The following RBFOX1 variants were observed in gnomAD, a reference collection of about 807,000 sequenced individuals.
RBFOX1 encodes the protein RNA binding fox-1 homolog 1, also known as RNA binding protein fox-1 homolog 1.
Under a neutral mutation model 57.7 loss-of-function variants are expected in RBFOX1, and 8 were observed. The ratio of observed to expected loss-of-function variants is 0.14; its 90% CI spans 0.08 to 0.25. The LOEUF is 0.25. Among genes scored for constraint, RBFOX1 ranks in the 10% least tolerant of loss-of-function variants. The pLI is 1.00. For synonymous variants in RBFOX1, 326 were observed against 222.4 expected (o/e 1.47, Z -4.15); for missense variants, 611 against 548.5 (o/e 1.11, Z -1.14).
chr16:7,173,419 C>T (rs946570675), intron 4 of RBFOX1, among the ~76,000 whole-genome samples: 1 of 152,140 alleles, frequency 6.6e-6, no homozygotes, highest in African/African-American at 2.4e-5. Context: ...ACGTATATAT[C>T]TGTGCATTCA....
chr16:5,447,354 C>T (rs989712081), intron 1 of RBFOX1, among the ~76,000 whole-genome samples: 1 of 149,130 alleles, frequency 6.7e-6, no homozygotes, highest in East Asian at 2.0e-4. Context: ...TGTCTCTCAT[C>T]ATTCAATGTC....
chr16:7,645,487 T>C (rs997182438), intron 11 of RBFOX1, among the ~76,000 whole-genome samples: 31 of 152,198 alleles, frequency 2.0e-4, no homozygotes, highest in African/African-American at 7.5e-4. Context: ...ATCGACACTT[T>C]TGCATGTTGT....
chr16:7,610,510 C>T (rs2057277849), intron 10 of RBFOX1, among the ~76,000 whole-genome samples: 1 of 152,064 alleles, frequency 6.6e-6, no homozygotes, highest in Non-Finnish European at 1.5e-5. Context: ...ATTCCAGCTG[C>T]CACCACCACC....
chr16:5,843,019 G>C (rs2056664226), intron 3 of RBFOX1, among the ~76,000 whole-genome samples: 1 of 149,220 alleles, frequency 6.7e-6, no homozygotes, highest in Admixed American at 6.6e-5. Flanking sequence ...AGTAGAGACG[G>C]GGTTTCACCA....
At chr16:6,994,673 C>G (rs1333208034) in intron 3 of RBFOX1, among the ~76,000 whole-genome samples, 1 of 152,136 alleles carries the variant, frequency 6.6e-6, no homozygotes, top group African/African-American at 2.4e-5. Flanking sequence ...TCTTTTATGC[C>G]TCTCCACCCG....
chr16:5,844,292 C>T (rs913168240), intron 3 of RBFOX1, among the ~76,000 whole-genome samples: 7 of 152,066 alleles, frequency 4.6e-5, no homozygotes, highest in South Asian at 4.2e-4. Flanking sequence ...GCAAAACTGC[C>T]GGCAAGAAAT....
chr16:6,130,734 G>A (rs1212776533), intron 1 of RBFOX1, among the ~76,000 whole-genome samples: 7 of 152,140 alleles, frequency 4.6e-5, no homozygotes, highest in Admixed American at 4.6e-4. Flanking sequence ...CTGTATTACT[G>A]TCAAAGTTGA....
intron 3 of RBFOX1, among the ~76,000 whole-genome samples, chr16:5,851,546 AG>A (rs2056897709): frequency 6.6e-6 from 1 of 152,198 alleles, no homozygotes. Context: ...TAATAAGAAA[AG>A]CAAACGGTCA....
At position 6,507,788 on chromosome 16, in the gene RBFOX1, A is replaced by T. The variant is rs142689557; in HGVS notation, c.-63-146815A>T. On this transcript the variant is annotated intron_variant, in intron 2 of 15. Transcript: ENST00000550418. ...AAGTAGTCAAATTCATAAAGACAGA[A>T]AGTAGAGTGGTGGTTAGCCAGGGCT... is the stretch of plus-strand genomic sequence containing the variant. 4.5e-3 allele frequency among the ~76,000 whole-genome samples: 689 copies of T among 152,032 alleles called. 6 individuals carry two copies. The highest frequency in any genetic ancestry group is 0.016 in the African/African-American group (663 of 41,484).
At chr16:6,580,354 G>A (rs1469779319) in intron 2 of RBFOX1, among the ~76,000 whole-genome samples, 1 of 152,094 alleles carries the variant, frequency 6.6e-6, no homozygotes, top group African/African-American at 2.4e-5. Flanking sequence ...AGGTAAGCTG[G>A]AGTCATAACA....
intron 3 of RBFOX1, among the ~76,000 whole-genome samples, chr16:7,039,891 A>G (rs981956961): frequency 5.3e-5 from 8 of 151,504 alleles, no homozygotes; most frequent in Non-Finnish European, 7.4e-5. Flanking sequence ...TTACTTTCCT[A>G]CTGAAGAGAA....
At chr16:7,569,157 G>T (rs545958802) in intron 5 of RBFOX1, among the ~76,000 whole-genome samples, 2 of 152,206 alleles carry the variant, frequency 1.3e-5, no homozygotes, top group South Asian at 4.1e-4. Flanking sequence ...TTCTATACCT[G>T]TGCTTTCTGA....
At chr16:5,802,524 C>G (rs925419218) in intron 3 of RBFOX1, among the ~76,000 whole-genome samples, 1 of 152,196 alleles carries the variant, frequency 6.6e-6, no homozygotes. Context: ...CACAGACTCT[C>G]AGAGGGAATG....
intron 1 of RBFOX1, among the ~76,000 whole-genome samples, chr16:5,385,530 CAAA>C (rs1331416926): frequency 7.2e-5 from 11 of 152,170 alleles, no homozygotes; most frequent in Admixed American, 7.2e-4. Flanking sequence ...GCATTCCTCT[CAAA>C]GAATGACATG....
intron 1 of RBFOX1, among the ~76,000 whole-genome samples, chr16:5,428,216 A>G (rs2067623866): frequency 6.6e-6 from 1 of 152,170 alleles, no homozygotes; most frequent in South Asian, 2.1e-4. Flanking sequence ...TCCCCATGGC[A>G]GAAATGTACC....
At chr16:6,646,742 A>T (rs2098537845) in intron 2 of RBFOX1, among the ~76,000 whole-genome samples, 1 of 152,064 alleles carries the variant, frequency 6.6e-6, no homozygotes, top group Admixed American at 6.5e-5. Flanking sequence ...TGTGATTTTC[A>T]TCACTCCCAT....
chr16:6,996,985 C>T (rs1472127093), intron 3 of RBFOX1, among the ~76,000 whole-genome samples: 1 of 152,016 alleles, frequency 6.6e-6, no homozygotes, highest in South Asian at 2.1e-4. Flanking sequence ...TTGAAGATTT[C>T]CTCATCAGCT....
At chr16:7,189,692 A>G (rs2084901504) in intron 4 of RBFOX1, among the ~76,000 whole-genome samples, 1 of 152,220 alleles carries the variant, frequency 6.6e-6, no homozygotes, top group African/African-American at 2.4e-5. Flanking sequence ...AAAAGGTACC[A>G]TAGGTTATAA....
rs537559011 is a variant in RBFOX1, at chr16:6,295,867, G to A, written c.-126-21128G>A. 1.6e-4 allele frequency among the ~76,000 whole-genome samples: 25 copies of A among 152,338 alleles called. 1 individual carries two copies. In the South Asian group the frequency reaches 5.2e-3, roughly 32 times the overall value. On this transcript the variant is annotated intron_variant, in intron 1 of 15. Coordinates refer to ENST00000550418, the MANE Select transcript of RBFOX1 (RefSeq NM_018723.4). ...GTTTGCAAAGAGATAGGGAGTGAAG[G>A]ATTGTGATCCTTGGCACCGATAATG...
Sources: allele counts gnomAD v4.1 joint callset (sites outside exome capture counted in the v4.1 genomes callset), GRCh38; gene constraint gnomAD v4.1.1; transcripts MANE v1.5; gene names NCBI Gene and HGNC (gene_info 2026-07-23, HGNC 2026-07-21).